Variants in OSBP2 observed in about 807,000 individuals in gnomAD.
OSBP2 encodes the protein oxysterol binding protein 2, also known as oxysterol-binding protein 2.
OSBP2 carries 66 observed loss-of-function variants against 96.0 expected under a neutral mutation model. That is an observed-to-expected ratio of 0.69 (90% confidence interval 0.56 to 0.84). The LOEUF (loss-of-function observed/expected upper bound fraction) is 0.84. Among genes scored for constraint, OSBP2 ranks in the 40% least tolerant of loss-of-function variants. The pLI, the probability that OSBP2 is intolerant of heterozygous loss-of-function variation, is 0.00. For synonymous variants in OSBP2, 525 were observed against 520.9 expected (o/e 1.01, Z -0.11); for missense variants, 1,038 against 1,222.7 (o/e 0.85, Z 2.25).
Position 30,760,012 on chromosome 22 carries a change from C to T in OSBP2, c.853+18643C>T, listed in dbSNP as rs1421899886. ...TAGTAGCTGGGATTACAGGCATGTG[C>T]CACCACGCCCAGCTAATTTTTTTTT... On this transcript the variant is annotated intron_variant, in intron 2 of 13. Transcript: ENST00000332585. 3.3e-5 allele frequency among the ~76,000 whole-genome samples: 5 copies of T among 152,116 alleles called. No individual in the cohort carries two copies. In the East Asian group the frequency reaches 9.7e-4, roughly 29 times the overall value.
At chr22:30,877,862 A>C in intron 3 of OSBP2, among the ~76,000 whole-genome samples, 1 of 151,482 alleles carries the variant, frequency 6.6e-6, no homozygotes, top group Non-Finnish European at 1.5e-5. Flanking sequence ...TGACCACATG[A>C]CCCCCTGTGG....
upstream of OSBP2, chr22:30,694,848 C>CCGCCCCCGGCCT (rs1456034541): frequency 1.3e-6 from 1 of 759,192 alleles, no homozygotes; most frequent in Non-Finnish European, 1.7e-6. Context: ...GCCCCCGGCC[C>CCGCCCCCGGCCT]CGCCCCCGGC....
intron 2 of OSBP2, among the ~76,000 whole-genome samples, chr22:30,751,467 G>C (rs923024913): frequency 6.6e-6 from 1 of 152,000 alleles, no homozygotes; most frequent in African/African-American, 2.4e-5. Flanking sequence ...CAATTCTCCT[G>C]CCTCAGCCTC....
chr22:30,719,753 CAAAAAAAAAAGAAA>C (rs1020582238), intron 1 of OSBP2, among the ~76,000 whole-genome samples: 1 of 107,794 alleles, frequency 9.3e-6, no homozygotes, highest in African/African-American at 3.5e-5. Context: ...GACTCTGTCT[CAAAAAAAAAAGAAA>C]AAAAAAAAAA....
chr22:30,735,156 C>T (rs1330507248), intron 1 of OSBP2, among the ~76,000 whole-genome samples: 1 of 152,182 alleles, frequency 6.6e-6, no homozygotes, highest in Admixed American at 6.6e-5. Context: ...TGCACCATTG[C>T]ACTCCAGCCT....
intron 2 of OSBP2, among the ~76,000 whole-genome samples, chr22:30,776,115 CT>C (rs66689098): frequency 0.66 from 92,001 of 139,414 alleles, 30,192 homozygotes; most frequent in African/African-American, 0.79. Flanking sequence ...TTTTTCTTTT[CT>C]TTTTTTTTTT....
chr22:30,815,077 T>G, intron 2 of OSBP2, among the ~76,000 whole-genome samples: 1 of 151,996 alleles, frequency 6.6e-6, no homozygotes, highest in Non-Finnish European at 1.5e-5. Flanking sequence ...AGCCAAGGAG[T>G]TCGAGACCAG....
intron 2 of OSBP2, among the ~76,000 whole-genome samples, chr22:30,863,821 C>T (rs568187901): frequency 6.6e-6 from 1 of 152,318 alleles, no homozygotes; most frequent in Non-Finnish European, 1.5e-5. Context: ...CCCTATACTG[C>T]ACTGATGCAG....
intron 2 of OSBP2, among the ~76,000 whole-genome samples, chr22:30,793,514 G>A (rs373035271): frequency 4.6e-5 from 7 of 151,846 alleles, no homozygotes; most frequent in African/African-American, 9.7e-5. Context: ...GGCTGTGCAC[G>A]GTGACTCATG....
chr22:30,742,829 T>G (rs2089957017), intron 2 of OSBP2, among the ~76,000 whole-genome samples: 1 of 152,136 alleles, frequency 6.6e-6, no homozygotes, highest in African/African-American at 2.4e-5. Context: ...CATGCACATG[T>G]GAGTATAAAT....
At chr22:30,786,101 G>A (rs533540643) in intron 2 of OSBP2, among the ~76,000 whole-genome samples, 2 of 151,964 alleles carry the variant, frequency 1.3e-5, no homozygotes, top group Non-Finnish European at 2.9e-5. Context: ...TCGGCTCACT[G>A]CAACCTCCAC....
rs889736680 is a variant in OSBP2 at position 30,905,739 on chromosome 22, G to A, written c.2376-98G>A. The A allele has an allele frequency of 5.8e-5, 79 of 1,373,382 alleles. 1 individual carries two copies. The highest frequency in any genetic ancestry group is 7.1e-5 in the Non-Finnish European group (76 of 1,068,920). The allele number at this position is 1,373,382 out of a possible 1,614,324, so 85.1% of individuals were successfully genotyped here. On this transcript the variant is annotated intron_variant, in intron 12 of 13. Transcript: ENST00000332585. ...GACGCGGGGAGCTGGAGGGTGAGGC[G>A]ACCCGGGAGGAGACACCGCCAGGCA...
chr22:30,874,883 C>G (rs1602397209), intron 3 of OSBP2, among the ~76,000 whole-genome samples: 1 of 152,326 alleles, frequency 6.6e-6, no homozygotes, highest in Non-Finnish European at 1.5e-5. Context: ...GTCCTCTTGG[C>G]TGGGACCCCG....
chr22:30,846,115 A>G (rs951386084), intron 2 of OSBP2, among the ~76,000 whole-genome samples: 1 of 151,886 alleles, frequency 6.6e-6, no homozygotes, highest in Non-Finnish European at 1.5e-5. Context: ...TGTTTTCTAA[A>G]GTGATCATAT....
rs2089000529 is a variant in OSBP2 at position 30,695,045 on chromosome 22, T to C, written c.136T>C (p.Ser46Pro). The C allele has an allele frequency of 6.3e-7, 1 of 1,590,490 alleles. No homozygotes were observed. Among genetic ancestry groups the C allele is most frequent in the Non-Finnish European group, 8.5e-7 (1 of 1,170,230 alleles). Residue 46 changes from serine to proline, a missense_variant, in exon 1 of 14, where the codon TCC (serine) becomes CCC (proline). Coordinates refer to ENST00000332585, the MANE Select transcript of OSBP2 (RefSeq NM_030758.4). Reference protein sequence around the residue: ...APGMSASTSGSGPEPKPQPQP... With the variant: ...APGMSASTSGPGPEPKPQPQP... ...GGGCATGAGCGCTTCCACGTCCGGC[T>C]CCGGGCCGGAGCCCAAGCCCCAGCC...
chr22:30,695,309 G>A lies in OSBP2; in HGVS notation c.400G>A (p.Ala134Thr), dbSNP rs757521218. The change falls in exon 1 of 14, where the codon GCG becomes ACG. Residue 134 changes from alanine (A) to threonine (T), a missense_variant. Coordinates refer to ENST00000332585, the MANE Select transcript of OSBP2 (RefSeq NM_030758.4). ...GCCGCTCTCCCGGGCGGTGGGGAGCGCGACCTTTCTCAGACCCGAGTCAGG... is the reference window on the plus strand; with the variant it reads ...GCCGCTCTCCCGGGCGGTGGGGAGCACGACCTTTCTCAGACCCGAGTCAGG... ...SEPLSRAVGS[A>T]TFLRPESGSL... 12 of 1,613,316 alleles carry A rather than the reference G, an allele frequency of 7.4e-6. No individual in the cohort carries two copies. The highest frequency in any genetic ancestry group is 1.3e-5 in the African/African-American group (1 of 74,942).
chr22:30,808,601 C>G (rs1243185447), intron 2 of OSBP2, among the ~76,000 whole-genome samples: 3 of 152,150 alleles, frequency 2.0e-5, no homozygotes, highest in Non-Finnish European at 4.4e-5. Context: ...GGAATCAAGT[C>G]AAGATGTCTT....
At chr22:30,729,252 T>A (rs933801754) in intron 1 of OSBP2, among the ~76,000 whole-genome samples, 1 of 152,184 alleles carries the variant, frequency 6.6e-6, no homozygotes, top group African/African-American at 2.4e-5. Context: ...CCAAAAGAAC[T>A]GAAATTAGGA....
At chr22:30,755,965 T>C (rs2090136061) in intron 2 of OSBP2, among the ~76,000 whole-genome samples, 1 of 152,186 alleles carries the variant, frequency 6.6e-6, no homozygotes, top group South Asian at 2.1e-4. Flanking sequence ...CTCTTGCATC[T>C]TCAGCTGTGC....
Sources: allele counts gnomAD v4.1 joint callset (sites outside exome capture counted in the v4.1 genomes callset), GRCh38; gene constraint gnomAD v4.1.1; transcripts MANE v1.5; gene names NCBI Gene and HGNC (gene_info 2026-07-23, HGNC 2026-07-21).